Variants in DHX34 observed in about 807,000 individuals in gnomAD.
DHX34 encodes the protein probable ATP-dependent RNA helicase DHX34.
Under a neutral mutation model 111.1 loss-of-function variants are expected in DHX34, and 96 were observed. That is an observed-to-expected ratio of 0.86 (90% CI 0.73 to 1.02). DHX34 has a LOEUF of 1.02. DHX34 is among the 50% of genes least tolerant of loss of function. DHX34 has a pLI of 0.00. For missense variants in DHX34, 1,560 were observed against 1,579.9 expected, an observed-to-expected ratio of 0.99 and a Z score of 0.21; for synonymous variants, 688 against 670.4, an observed-to-expected ratio of 1.03 and a Z score of -0.41.
intron 13 of DHX34, among the ~76,000 whole-genome samples, chr19:47,378,452 G>A (rs1970239868): frequency 6.6e-6 from 1 of 152,196 alleles, no homozygotes; most frequent in Non-Finnish European, 1.5e-5. Context: ...GCAGCACGCA[G>A]GCCGAGGGAC....
intron 1 of DHX34, among the ~76,000 whole-genome samples, chr19:47,352,372 G>C (rs1019210956): frequency 6.6e-5 from 10 of 152,184 alleles, no homozygotes; most frequent in African/African-American, 2.4e-4. Flanking sequence ...GAAACAGGCT[G>C]TTAGAAATGT....
intron 5 of DHX34, 85 bp from the exon 6 acceptor site, chr19:47,362,391 G>A (rs1434448689): frequency 7.1e-7 from 1 of 1,407,684 alleles, no homozygotes; most frequent in Non-Finnish European, 9.3e-7. Context: ...AAGTGAGGGT[G>A]TTGGCGAGTG....
At chr19:47,374,436 CAAAAAAAAAA>C (rs35585186) in intron 9 of DHX34, among the ~76,000 whole-genome samples, 1 of 103,642 alleles carries the variant, frequency 9.6e-6, no homozygotes, top group Non-Finnish European at 2.1e-5. Context: ...AAACTCCACT[CAAAAAAAAAA>C]AAAAAAAAAG....
intron 8 of DHX34, among the ~76,000 whole-genome samples, chr19:47,373,328 A>G (rs189501153): frequency 2.0e-5 from 3 of 152,232 alleles, no homozygotes; most frequent in African/African-American, 7.2e-5. Flanking sequence ...AGCCCAGTGC[A>G]GGGAGACAGA....
intron 7 of DHX34, among the ~76,000 whole-genome samples, chr19:47,371,154 G>A (rs1339809500): frequency 1.3e-5 from 2 of 151,898 alleles, no homozygotes; most frequent in East Asian, 3.9e-4. Context: ...TGGGGAAACT[G>A]AGGCTGGGCC....
intron 11 of DHX34, 87 bp from the exon 12 acceptor site, chr19:47,376,356 A>G (rs2253022): frequency 0.43 from 664,050 of 1,547,146 alleles, 152,303 homozygotes; most frequent in African/African-American, 0.86. Context: ...TGGAGGAGGG[A>G]ACCTGGGCCA....
In DHX34 at chr19:47,372,849, G is replaced by A; in HGVS notation, c.1888G>A (p.Ala630Thr). The change falls in exon 8 of 17, where the codon GCA becomes ACA. Residue 630 changes from alanine (A) to threonine (T), a missense_variant. Transcript: ENST00000328771. ...CGCCCAGAGCAGCCCAGAGTGCGCG[G>A]CAGCACGGCGGCCGCTGGAGAGCGA... is the stretch of plus-strand genomic sequence containing the variant. ...RSAQSSPECAAARRPLESDQG... is the reference protein window; with the variant it reads ...RSAQSSPECATARRPLESDQG... 6.2e-7 allele frequency: 1 copy of A among 1,612,204 alleles called. No homozygotes were observed. The highest frequency in any genetic ancestry group is 8.5e-7 in the Non-Finnish European group (1 of 1,179,736).
intron 10 of DHX34, 37 bp from the exon 11 acceptor site, chr19:47,375,887 G>GACTCCTAC: frequency 6.4e-7 from 1 of 1,558,230 alleles, no homozygotes. Context: ...GAGCCCCTCA[G>GACTCCTAC]GTCCCCTAAG....
In DHX34 at chr19:47,357,786, G is replaced by A. The variant is rs1969499814; in HGVS notation, c.1018-80G>A. The A allele has an allele frequency of 3.2e-5, 48 of 1,516,156 alleles. No individual in the cohort carries two copies. The South Asian group carries it at 4.1e-4, about 13-fold the overall frequency. The allele number at this position is 1,516,156 out of a possible 1,614,324, so 93.9% of individuals were successfully genotyped here. ...TCTCCGTTAGCCTGTGGTCTCCCCC[G>A]TCAGCCTGCAGCCTCCCCAGCCCAT... On this transcript the variant is annotated intron_variant, in intron 3 of 16. Coordinates refer to ENST00000328771, the MANE Select transcript of DHX34 (RefSeq NM_014681.6).
At chr19:47,378,788 A>G (rs1220821820) in intron 13 of DHX34, among the ~76,000 whole-genome samples, 1 of 151,602 alleles carries the variant, frequency 6.6e-6, no homozygotes, top group African/African-American at 2.4e-5. Context: ...GTGAGCTGTG[A>G]TTGTTGACAC....
At chr19:47,371,456 A>G (rs1969963009) in intron 7 of DHX34, among the ~76,000 whole-genome samples, 1 of 152,316 alleles carries the variant, frequency 6.6e-6, no homozygotes, top group East Asian at 1.9e-4. Flanking sequence ...CCCCGTTTAC[A>G]GATGGGGAAG....
chr19:47,360,312 T>C (rs1969590971), intron 5 of DHX34, among the ~76,000 whole-genome samples: 2 of 152,222 alleles, frequency 1.3e-5, no homozygotes, highest in Admixed American at 6.5e-5. Flanking sequence ...AATCCTCCAG[T>C]GAGCATTTCA....
intron 6 of DHX34, among the ~76,000 whole-genome samples, chr19:47,364,568 C>G (rs891673163): frequency 6.6e-6 from 1 of 151,910 alleles, no homozygotes; most frequent in Non-Finnish European, 1.5e-5. Context: ...ACGGTGAGGC[C>G]CTGACTCTAG....
intron 1 of DHX34, among the ~76,000 whole-genome samples, chr19:47,350,125 A>G (rs1568390865): frequency 6.6e-6 from 1 of 152,188 alleles, no homozygotes; most frequent in Non-Finnish European, 1.5e-5. Context: ...TGAGTAAGTA[A>G]GCATGAGCTA....
chr19:47,372,603 CCTTA>C (rs1176247415), intron 7 of DHX34, 123 bp from the exon 8 acceptor site: 1 of 1,427,256 alleles, frequency 7.0e-7, no homozygotes, highest in East Asian at 2.7e-5. Flanking sequence ...GTCACAAGAC[CCTTA>C]GTGGGCAAGA....
chr19:47,369,703 C>G (rs1568401884), intron 7 of DHX34, among the ~76,000 whole-genome samples: 1 of 152,082 alleles, frequency 6.6e-6, no homozygotes, highest in Admixed American at 6.6e-5. Context: ...ACAGTGACAT[C>G]TGGGCAGAGG....
chr19:47,382,269 A>AGTGTGTATCAG lies in DHX34; in HGVS notation c.*156_*157insGTGTGTATCAG. On this transcript the variant is annotated 3_prime_UTR_variant, in exon 17 of 17. Transcript: ENST00000328771. ...GAGCACGGATTGTGAATAAAGCCTC[A>AGTGTGTATCAG]CATGCTGATACACACTGTTAGGCCT... is the stretch of plus-strand genomic sequence containing the variant. 1 of 1,309,252 alleles carries AGTGTGTATCAG rather than the reference A, an allele frequency of 7.6e-7. No individual in the cohort carries two copies. Among genetic ancestry groups the AGTGTGTATCAG allele is most frequent in the Non-Finnish European group, 1.0e-6 (1 of 984,640 alleles). The allele number at this position is 1,309,252 out of a possible 1,614,324, so 81.1% of individuals were successfully genotyped here.
intron 8 of DHX34, 24 bp from the exon 9 acceptor site, chr19:47,373,575 C>G (rs755527704): frequency 1.9e-6 from 3 of 1,608,238 alleles, no homozygotes; most frequent in Admixed American, 3.4e-5. Context: ...GCCCTGACAC[C>G]CTGGCGTCTG....
Position 47,382,323 on chromosome 19 carries a change from G to T in DHX34, c.*210G>T, listed in dbSNP as rs1442590766. On this transcript the variant is annotated 3_prime_UTR_variant, in exon 17 of 17. Transcript: ENST00000328771. ...CCTGCCCATCCAGAAAGCAGCAGCTGCCTTGTTAGTCCTCCCCAGGGTCTA... is the reference window on the plus strand; with the variant it reads ...CCTGCCCATCCAGAAAGCAGCAGCTTCCTTGTTAGTCCTCCCCAGGGTCTA... 1.1e-6 allele frequency: 1 copy of T among 876,644 alleles called. No individual in the cohort carries two copies. The highest frequency in any genetic ancestry group is 2.1e-5 in the South Asian group (1 of 48,762). The allele number at this position is 876,644 out of a possible 1,614,324, so 54.3% of individuals were successfully genotyped here. A position where few individuals can be genotyped will look rare whatever the true frequency, so the allele number is the denominator to read the frequency against.
Sources: gnomAD v4.1 joint callset for allele counts (sites outside exome capture counted in the v4.1 genomes callset) on GRCh38, gnomAD v4.1.1 for gene constraint, MANE v1.5 for transcripts, NCBI Gene and HGNC (gene_info 2026-07-23, HGNC 2026-07-21) for gene names.